The following GPHN variants were observed in gnomAD, a reference collection of about 807,000 sequenced individuals.
The protein encoded by GPHN is gephyrin.
In GPHN, 17 loss-of-function variants were observed where a neutral mutation model predicts 95.5. The ratio of observed to expected loss-of-function variants is 0.18; its 90% CI spans 0.12 to 0.27. The LOEUF (loss-of-function observed/expected upper bound fraction) is 0.27. Among genes scored for constraint, GPHN ranks in the 10% least tolerant of loss-of-function variants. The pLI, the probability that GPHN is intolerant of heterozygous loss-of-function variation, is 1.00. For synonymous variants in GPHN, 320 were observed against 322.5 expected (o/e 0.99, Z 0.08); for missense variants, 660 against 978.1 (o/e 0.67, Z 4.34).
intron 4 of GPHN, among the ~76,000 whole-genome samples, chr14:66,849,603 A>G (rs751784046): frequency 5.3e-5 from 8 of 151,968 alleles, no homozygotes; most frequent in Non-Finnish European, 1.0e-4. Context: ...ATCATTTTTA[A>G]TCTTACCAAT....
chr14:67,728,706 G>GGC, the GPHN span, among the ~76,000 whole-genome samples: 7 of 151,026 alleles, frequency 4.6e-5, no homozygotes, highest in East Asian at 1.9e-4. Context: ...TATCTTGTGG[G>GGC]GGGGGGGTGT....
At chr14:67,347,056 A>G in the GPHN span, among the ~76,000 whole-genome samples, 9 of 151,908 alleles carry the variant, frequency 5.9e-5, no homozygotes, top group African/African-American at 1.7e-4. Flanking sequence ...GCGTGATCAG[A>G]ACTCGCTGCA....
At chr14:66,703,128 A>G (rs2068719373) in intron 2 of GPHN, among the ~76,000 whole-genome samples, 1 of 152,216 alleles carries the variant, frequency 6.6e-6, no homozygotes, top group African/African-American at 2.4e-5. Context: ...AACCTCCAAG[A>G]AATATGGGAC....
rs1410534979 is a variant in GPHN, at chr14:67,127,003, A to G, written c.1748+4626A>G. ...CAGTAAACTATCGCAAGGACAAAAA[A>G]CCAAACACCGCATGTTCTCACTCAT... On this transcript the variant is annotated intron_variant, in intron 17 of 22. Coordinates refer to ENST00000478722, the MANE Select transcript of GPHN (RefSeq NM_020806.5). Among the ~76,000 whole-genome samples the G allele has an allele frequency of 4.0e-5, 6 of 151,638 alleles. No homozygotes were observed. In the East Asian group the frequency reaches 1.2e-3, roughly 29 times the overall value.
chr14:66,824,622 A>C, intron 4 of GPHN, 56 bp downstream of exon 4: 1 of 804,272 alleles, frequency 1.2e-6, no homozygotes, highest in African/African-American at 1.7e-5. Context: ...TGGTTTTTTT[A>C]ATCCTTTTTA....
the GPHN span, among the ~76,000 whole-genome samples, chr14:67,503,029 A>T: frequency 2.6e-5 from 4 of 152,274 alleles, no homozygotes; most frequent in African/African-American, 7.2e-5. Flanking sequence ...TGTTCAGGGA[A>T]GTTGAGAGCC....
chr14:67,294,081 T>C, the GPHN span, among the ~76,000 whole-genome samples: 1 of 152,186 alleles, frequency 6.6e-6, no homozygotes, highest in Non-Finnish European at 1.5e-5. Flanking sequence ...AAAAGGACTT[T>C]AAAAAAGATC....
the GPHN span, among the ~76,000 whole-genome samples, chr14:67,720,577 G>C: frequency 6.6e-6 from 1 of 152,170 alleles, no homozygotes; most frequent in African/African-American, 2.4e-5. Context: ...TAAATCATCT[G>C]TCCCTTCCAC....
intron 2 of GPHN, among the ~76,000 whole-genome samples, chr14:66,736,538 A>G (rs1200753723): frequency 6.6e-6 from 1 of 151,670 alleles, no homozygotes; most frequent in Non-Finnish European, 1.5e-5. Flanking sequence ...AGCTGGGATT[A>G]CAGGTGAGCA....
chr14:67,188,773 TTTTC>T, the GPHN span, among the ~76,000 whole-genome samples: 4 of 144,016 alleles, frequency 2.8e-5, no homozygotes, highest in African/African-American at 1.1e-4. Context: ...GCTCAGTTTC[TTTTC>T]CTTCCTTCCT....
chr14:67,680,243 C>T, the GPHN span, among the ~76,000 whole-genome samples: 3 of 152,208 alleles, frequency 2.0e-5, no homozygotes. Flanking sequence ...AGAAGACTCA[C>T]CAGTATGACC....
At chr14:67,456,649 G>A in the GPHN span, among the ~76,000 whole-genome samples, 344 of 152,054 alleles carry the variant, frequency 2.3e-3, 1 homozygote, top group Non-Finnish European at 3.5e-3. Flanking sequence ...GCAAGGCTGC[G>A]GGAAGAGGAA....
At chr14:67,562,471 T>C in the GPHN span, 2 of 1,613,752 alleles carry the variant, frequency 1.2e-6, no homozygotes, top group Non-Finnish European at 1.7e-6. Context: ...GTAGTTCAGC[T>C]TCCTGGGGTG....
At chr14:66,550,341 C>T (rs2059765660) in intron 1 of GPHN, among the ~76,000 whole-genome samples, 2 of 152,150 alleles carry the variant, frequency 1.3e-5, no homozygotes, top group Admixed American at 6.5e-5. Flanking sequence ...GTGGAAATAG[C>T]AAGAGAACTA....
intron 8 of GPHN, among the ~76,000 whole-genome samples, chr14:66,961,920 A>ATATG (rs2068949925): frequency 1.6e-5 from 1 of 63,492 alleles, no homozygotes; most frequent in Admixed American, 1.9e-4. Flanking sequence ...ATATATATAT[A>ATATG]TATATATATA....
intron 10 of GPHN, among the ~76,000 whole-genome samples, chr14:67,028,599 C>A (rs575202744): frequency 6.6e-6 from 1 of 152,050 alleles, no homozygotes; most frequent in Non-Finnish European, 1.5e-5. Context: ...TTTTGATTTG[C>A]ATTTCTCTGA....
the GPHN span, among the ~76,000 whole-genome samples, chr14:67,205,825 G>A: frequency 6.6e-6 from 1 of 152,126 alleles, no homozygotes; most frequent in Non-Finnish European, 1.5e-5. Flanking sequence ...TAATCTAATG[G>A]CAGGATGGAT....
chr14:67,452,630 G>A, the GPHN span, among the ~76,000 whole-genome samples: 1 of 152,194 alleles, frequency 6.6e-6, no homozygotes. Context: ...AGGGCAGTGT[G>A]GGGTAGTGGT....
At chr14:67,421,826 T>C in the GPHN span, among the ~76,000 whole-genome samples, 2 of 152,208 alleles carry the variant, frequency 1.3e-5, no homozygotes, top group African/African-American at 4.8e-5. Flanking sequence ...TTGCTATCTC[T>C]GCCCTTATCT....
Sources: allele counts gnomAD v4.1 joint callset (sites outside exome capture counted in the v4.1 genomes callset), GRCh38; gene constraint gnomAD v4.1.1; transcripts MANE v1.5; gene names NCBI Gene and HGNC (gene_info 2026-07-23, HGNC 2026-07-21).